The following ITGB6 variants were observed in gnomAD, a reference collection of about 807,000 sequenced individuals.
The protein encoded by ITGB6 is integrin subunit beta 6.
ITGB6 carries 80 observed loss-of-function variants against 84.5 expected under a neutral mutation model. That is an observed-to-expected ratio of 0.95 (90% CI 0.79 to 1.14). The LOEUF (loss-of-function observed/expected upper bound fraction) is 1.14. ITGB6 is among the 50% of genes most tolerant of loss of function. The probability of loss-of-function intolerance (pLI) is 0.00; values close to 1 mark genes in which losing one functional copy is unlikely to be tolerated. For missense variants in ITGB6, 1,006 were observed against 968.0 expected (o/e 1.04, Z -0.52); for synonymous variants, 383 against 354.9 (o/e 1.08, Z -0.89).
intron 1 of ITGB6, 98 bp downstream of exon 1, chr2:160,199,904 AG>A: frequency 1.1e-6 from 1 of 915,348 alleles, no homozygotes; most frequent in Non-Finnish European, 1.8e-6. Context: ...GCAATGGAAC[AG>A]ATCAAATAAA....
At chr2:160,116,511 A>C (rs1682775173) in intron 12 of ITGB6, among the ~76,000 whole-genome samples, 1 of 152,226 alleles carries the variant, frequency 6.6e-6, no homozygotes, top group African/African-American at 2.4e-5. Flanking sequence ...CTCCTGAAGG[A>C]AGCACTAAAC....
intron 7 of ITGB6, among the ~76,000 whole-genome samples, chr2:160,148,964 G>A (rs1014408980): frequency 2.6e-5 from 4 of 152,228 alleles, no homozygotes; most frequent in Non-Finnish European, 5.9e-5. Flanking sequence ...ATTGGGTGGA[G>A]CCCACCACAG....
intron 4 of ITGB6, among the ~76,000 whole-genome samples, chr2:160,176,897 A>G (rs560708908): frequency 6.6e-6 from 1 of 152,342 alleles, no homozygotes; most frequent in East Asian, 1.9e-4. Context: ...CTGAGCATTT[A>G]TTTTGAACAT....
At chr2:160,137,339 T>C (rs575608734) in intron 10 of ITGB6, 95 bp downstream of exon 10, 1 of 1,156,604 alleles carries the variant, frequency 8.6e-7, no homozygotes, top group Non-Finnish European at 1.2e-6. Context: ...ATTGAGCACC[T>C]ACTGTGCCCA....
intron 7 of ITGB6, among the ~76,000 whole-genome samples, chr2:160,168,510 A>G (rs1412584108): frequency 6.6e-6 from 1 of 152,204 alleles, no homozygotes; most frequent in Non-Finnish European, 1.5e-5. Flanking sequence ...GAGTAAATCA[A>G]TTCAGGGCAT....
chr2:160,130,277 C>T (rs1180365392), intron 10 of ITGB6, among the ~76,000 whole-genome samples: 1 of 151,860 alleles, frequency 6.6e-6, no homozygotes, highest in African/African-American at 2.4e-5. Context: ...TTGACAAAAT[C>T]GTCATTATGT....
At chr2:160,160,549 A>G (rs1684777265) in intron 7 of ITGB6, among the ~76,000 whole-genome samples, 1 of 152,236 alleles carries the variant, frequency 6.6e-6, no homozygotes, top group South Asian at 2.1e-4. Context: ...GTTATCATTA[A>G]TACTAGTCCC....
At chr2:160,165,449 T>C (rs543884301) in intron 7 of ITGB6, among the ~76,000 whole-genome samples, 8 of 152,184 alleles carry the variant, frequency 5.3e-5, no homozygotes, top group Non-Finnish European at 1.2e-4. Flanking sequence ...AACAAAACAA[T>C]AATAGAACAG....
At chr2:160,110,257 A>G (rs571477351) in intron 13 of ITGB6, among the ~76,000 whole-genome samples, 5 of 152,290 alleles carry the variant, frequency 3.3e-5, no homozygotes, top group Admixed American at 3.3e-4. Flanking sequence ...CTATGCCTCA[A>G]TTTCCTTACC....
intron 10 of ITGB6, among the ~76,000 whole-genome samples, chr2:160,131,557 AG>A (rs1352050083): frequency 3.9e-5 from 6 of 152,196 alleles, no homozygotes; most frequent in African/African-American, 1.4e-4. Context: ...GCACAATGCC[AG>A]GCACATAGTA....
intron 12 of ITGB6, among the ~76,000 whole-genome samples, chr2:160,119,334 T>C (rs1458288370): frequency 1.1e-3 from 161 of 152,166 alleles, no homozygotes; most frequent in Non-Finnish European, 2.1e-3. Flanking sequence ...ATCAATGGGA[T>C]AGAACAGAGC....
At chr2:160,183,792 C>T (rs1177908563) in intron 4 of ITGB6, among the ~76,000 whole-genome samples, 5 of 152,206 alleles carry the variant, frequency 3.3e-5, no homozygotes, top group African/African-American at 1.2e-4. Context: ...CAAACAGTCT[C>T]TCATACCATA....
chr2:160,111,136 G>GAAAAAA (rs10710243), intron 13 of ITGB6, among the ~76,000 whole-genome samples: 1 of 149,004 alleles, frequency 6.7e-6, no homozygotes, highest in Non-Finnish European at 1.5e-5. Context: ...ATGTTTCACT[G>GAAAAAA]AAAAAAAAAA....
At chr2:160,196,612 G>A (rs573880532) in intron 2 of ITGB6, among the ~76,000 whole-genome samples, 192 bp from the exon 3 acceptor site, 2 of 152,142 alleles carry the variant, frequency 1.3e-5, no homozygotes, top group South Asian at 2.1e-4. Flanking sequence ...GAATTCTGCC[G>A]GTAAAATTCT....
chr2:160,113,723 G>A (rs1268234354), intron 12 of ITGB6, among the ~76,000 whole-genome samples: 4 of 152,174 alleles, frequency 2.6e-5, no homozygotes, highest in African/African-American at 9.7e-5. Flanking sequence ...TGTTTAATAA[G>A]TATTTTTAAA....
intron 12 of ITGB6, among the ~76,000 whole-genome samples, chr2:160,113,824 C>G (rs1192358180): frequency 1.3e-5 from 2 of 152,160 alleles, no homozygotes. Context: ...CATACGTTGG[C>G]CATTTTATTT....
At chr2:160,186,366 AG>A (rs1685897624) in intron 4 of ITGB6, among the ~76,000 whole-genome samples, 1 of 152,294 alleles carries the variant, frequency 6.6e-6, no homozygotes, top group South Asian at 2.1e-4. Context: ...TATGAAAAAA[AG>A]CTCATCATCA....
rs1456281873 is a variant in ITGB6, at chr2:160,137,862, A to T, written c.1243-11T>A. On this transcript the variant is annotated splice_polypyrimidine_tract_variant and intron_variant, in intron 9 of 14. Coordinates refer to ENST00000283249, the MANE Select transcript of ITGB6 (RefSeq NM_000888.5). Reference sequence around the variant, plus strand: ...CACGCTGAAGGAAGCCTGGAAAAGAAAATACTAATTATCTCCCTCCATCCA... The same window carrying T: ...CACGCTGAAGGAAGCCTGGAAAAGATAATACTAATTATCTCCCTCCATCCA... The T allele has an allele frequency of 6.2e-7, 1 of 1,611,236 alleles. No homozygotes were observed. Among genetic ancestry groups the T allele is most frequent in the East Asian group, 2.2e-5 (1 of 44,804 alleles).
At chr2:160,102,908 T>A (rs1283949471) in intron 14 of ITGB6, among the ~76,000 whole-genome samples, 1 of 152,242 alleles carries the variant, frequency 6.6e-6, no homozygotes, top group Non-Finnish European at 1.5e-5. Context: ...GCACTGTGTG[T>A]AGCACATAGC....
Sources: gnomAD v4.1 joint callset for allele counts (sites outside exome capture counted in the v4.1 genomes callset) on GRCh38, gnomAD v4.1.1 for gene constraint, MANE v1.5 for transcripts, NCBI Gene and HGNC (gene_info 2026-07-23, HGNC 2026-07-21) for gene names.